Variants in LRP1B observed in about 807,000 individuals in gnomAD.
LRP1B encodes the protein LDL receptor related protein 1B.
Under a neutral mutation model 556.6 loss-of-function variants are expected in LRP1B, and 217 were observed. The ratio of observed to expected loss-of-function variants is 0.39; its 90% CI spans 0.35 to 0.44. The LOEUF (loss-of-function observed/expected upper bound fraction) is 0.44. Ranked by LOEUF, LRP1B falls within the 20% of genes least tolerant of loss-of-function variation. The pLI is 1.00. For synonymous variants in LRP1B, 2,047 were observed against 1,865.8 expected (o/e 1.10, Z -2.50); for missense variants, 5,053 against 5,620.8 (o/e 0.90, Z 3.23).
intron 56 of LRP1B, 147 bp downstream of exon 56, chr2:140,495,417 GT>G: frequency 1.7e-6 from 1 of 582,086 alleles, no homozygotes. Flanking sequence ...CAAAATCAGA[GT>G]GACAGATTCT....
intron 2 of LRP1B, among the ~76,000 whole-genome samples, chr2:141,771,834 T>C (rs1038257066): frequency 1.3e-5 from 2 of 152,156 alleles, no homozygotes; most frequent in African/African-American, 4.8e-5. Context: ...GTTGTTGTTT[T>C]TGCGATGAAG....
At chr2:141,188,379 A>G (rs1249574479) in intron 7 of LRP1B, 42 bp downstream of exon 7, 1 of 1,578,836 alleles carries the variant, frequency 6.3e-7, no homozygotes, top group East Asian at 2.3e-5. Flanking sequence ...TTCTTTTTAA[A>G]CGCAAACTTT....
At chr2:142,057,175 A>T (rs1704706671) in intron 1 of LRP1B, among the ~76,000 whole-genome samples, 1 of 152,082 alleles carries the variant, frequency 6.6e-6, no homozygotes, top group Admixed American at 6.6e-5. Flanking sequence ...ACCACTATTT[A>T]TTGCCTCATA....
chr2:142,073,009 G>C (rs1325422658), intron 1 of LRP1B, among the ~76,000 whole-genome samples: 1 of 152,098 alleles, frequency 6.6e-6, no homozygotes, highest in South Asian at 2.1e-4. Context: ...TGCAGATAAG[G>C]ATAATGTTAA....
intron 2 of LRP1B, among the ~76,000 whole-genome samples, chr2:141,808,264 C>T (rs1696226205): frequency 6.6e-6 from 1 of 152,038 alleles, no homozygotes; most frequent in Non-Finnish European, 1.5e-5. Flanking sequence ...GTGTCATGTC[C>T]TTGTTATTTT....
In LRP1B at chr2:141,074,350, A is replaced by G. The variant is rs145354752; in HGVS notation, c.1014-12077T>C. 3.5e-3 allele frequency among the ~76,000 whole-genome samples: 531 copies of G among 152,134 alleles called. 2 individuals are homozygous for G. The highest frequency in any genetic ancestry group is 5.6e-3 in the Non-Finnish European group (378 of 67,978). On this transcript the variant is annotated intron_variant, in intron 7 of 90. Transcript: ENST00000389484. The stretch of plus-strand genomic sequence containing the variant: ...GATCTTTTCTGTTTTTCCAATATCA[A>G]TTAGATCTACCTGACATAATTTCAT...
chr2:140,930,288 C>T (rs1695012681), intron 20 of LRP1B, among the ~76,000 whole-genome samples: 1 of 152,024 alleles, frequency 6.6e-6, no homozygotes, highest in Non-Finnish European at 1.5e-5. Flanking sequence ...TGCCCCGAAG[C>T]TATTTAAACC....
chr2:141,233,888 C>A lies in LRP1B; in HGVS notation c.593-4448G>T, dbSNP rs950343669. Among the ~76,000 whole-genome samples the A allele has an allele frequency of 2.6e-5, 4 of 151,626 alleles. No homozygotes were observed. The East Asian group carries it at 7.7e-4, about 29-fold the overall frequency. On this transcript the variant is annotated intron_variant, in intron 5 of 90. Transcript: ENST00000389484. The stretch of plus-strand genomic sequence containing the variant: ...AATAAATGTATATATATATGTATAT[C>A]ATCTAGTTGTTCTATATTCTAATTT...
At chr2:141,162,529 C>G (rs2105115875) in intron 7 of LRP1B, among the ~76,000 whole-genome samples, 1 of 152,144 alleles carries the variant, frequency 6.6e-6, no homozygotes, top group South Asian at 2.1e-4. Context: ...ATAAAGTACT[C>G]TATCTTTGAC....
intron 41 of LRP1B, among the ~76,000 whole-genome samples, chr2:140,690,832 A>G (rs1285649567): frequency 6.6e-6 from 1 of 152,178 alleles, no homozygotes; most frequent in African/African-American, 2.4e-5. Flanking sequence ...CAACTTCAGT[A>G]CCTAATAAAA....
chr2:141,284,353 T>A (rs553219521), intron 3 of LRP1B, among the ~76,000 whole-genome samples: 2 of 152,286 alleles, frequency 1.3e-5, no homozygotes, highest in South Asian at 4.1e-4. Context: ...ATGACTTGAA[T>A]AAAACAACAG....
rs150351005 is a variant in LRP1B, at chr2:140,769,142, T to C, written c.5758+71A>G. The C allele has an allele frequency of 3.6e-4, 506 of 1,388,204 alleles. 1 individual carries two copies. The African/African-American group carries it at 3.7e-3, about 10-fold the overall frequency. The allele number at this position is 1,388,204 out of a possible 1,614,324, so 86.0% of individuals were successfully genotyped here. On this transcript the variant is annotated intron_variant, in intron 35 of 90. Transcript: ENST00000389484. ...GACTATTAAAGCACAGAGGAAAAGA[T>C]TGTATTCCCATCATGTTTAATAAAT...
At chr2:141,212,457 T>G (rs891963539) in intron 6 of LRP1B, among the ~76,000 whole-genome samples, 1 of 150,920 alleles carries the variant, frequency 6.6e-6, no homozygotes, top group Non-Finnish European at 1.5e-5. Flanking sequence ...TTTTTTTTTT[T>G]TGTATTTTAG....
chr2:140,797,238 C>T (rs1690348231), intron 32 of LRP1B, among the ~76,000 whole-genome samples: 1 of 151,800 alleles, frequency 6.6e-6, no homozygotes, highest in African/African-American at 2.4e-5. Context: ...TAATTCTTCC[C>T]CCCAAAACCC....
chr2:142,008,070 A>G (rs562886354), intron 1 of LRP1B, among the ~76,000 whole-genome samples: 1 of 152,260 alleles, frequency 6.6e-6, no homozygotes, highest in East Asian at 1.9e-4. Context: ...GCATCTCTAT[A>G]GAAATGTTTT....
intron 32 of LRP1B, among the ~76,000 whole-genome samples, chr2:140,794,664 A>G (rs1271190468): frequency 1.3e-5 from 2 of 150,620 alleles, no homozygotes; most frequent in Non-Finnish European, 3.0e-5. Flanking sequence ...CCCAGGCTGG[A>G]GTGCAATGGT....
intron 2 of LRP1B, among the ~76,000 whole-genome samples, chr2:141,691,914 T>C (rs887478273): frequency 5.9e-5 from 9 of 151,998 alleles, no homozygotes; most frequent in Admixed American, 1.3e-4. Context: ...ACTTATATTT[T>C]TTTGCATAAG....
intron 34 of LRP1B, among the ~76,000 whole-genome samples, chr2:140,770,117 C>G (rs1274541893): frequency 6.6e-6 from 1 of 151,890 alleles, no homozygotes; most frequent in African/African-American, 2.4e-5. Flanking sequence ...CTTAATTTCT[C>G]TGTGCCTCAG....
intron 1 of LRP1B, among the ~76,000 whole-genome samples, chr2:142,013,542 C>G (rs1703021289): frequency 1.3e-5 from 2 of 151,776 alleles, no homozygotes; most frequent in South Asian, 2.1e-4. Context: ...CCTTCTTACA[C>G]ATGTAATATA....
Sources: gnomAD v4.1 joint callset for allele counts (sites outside exome capture counted in the v4.1 genomes callset) on GRCh38, gnomAD v4.1.1 for gene constraint, MANE v1.5 for transcripts, NCBI Gene and HGNC (gene_info 2026-07-23, HGNC 2026-07-21) for gene names.